Variants in EFCAB8 observed in about 807,000 individuals in gnomAD.
EFCAB8 encodes the protein EF-hand calcium binding domain 8.
A neutral mutation model predicts 116.3 loss-of-function variants in EFCAB8; 100 were observed. The observed-to-expected ratio is 0.86, with a 90% CI of 0.73 to 1.02. The LOEUF (loss-of-function observed/expected upper bound fraction) is 1.02, where lower values mean the gene tolerates loss of function less well. Ranked by LOEUF, EFCAB8 falls within the 50% of genes least tolerant of loss-of-function variation. EFCAB8 has a pLI of 0.00. For missense variants in EFCAB8, 1,320 were observed against 1,416.9 expected (o/e 0.93, Z 1.10); for synonymous variants, 558 against 567.9 (o/e 0.98, Z 0.25).
intron 6 of EFCAB8, among the ~76,000 whole-genome samples, chr20:32,887,444 C>T (rs964418715): frequency 6.6e-6 from 1 of 152,146 alleles, no homozygotes; most frequent in Non-Finnish European, 1.5e-5. Flanking sequence ...GGCGTAGTGG[C>T]GCACCCCTGT....
In EFCAB8 at chr20:32,899,314, A is replaced by G. The variant is rs376461199; in HGVS notation, c.1088+691A>G. Among the ~76,000 whole-genome samples the G allele has an allele frequency of 9.3e-5, 14 of 150,284 alleles. No individual in the cohort carries two copies. The East Asian group carries it at 1.6e-3, about 17-fold the overall frequency. On this transcript the variant is annotated intron_variant, in intron 11 of 26. Coordinates refer to ENST00000400522, the MANE Select transcript of EFCAB8 (RefSeq NM_001143967.2). ...CAGCTACTCGGGAGGCTGAGGCAGG[A>G]GAATGGTGTGAACCCAGGAGGTGGA...
At chr20:32,922,193 G>T (rs1324548254) in intron 20 of EFCAB8, among the ~76,000 whole-genome samples, 1 of 152,174 alleles carries the variant, frequency 6.6e-6, no homozygotes, top group Non-Finnish European at 1.5e-5. Context: ...CTGTGAAGCT[G>T]GTCCTCTATG....
chr20:32,953,194 A>G (rs1988851528), intron 23 of EFCAB8, among the ~76,000 whole-genome samples: 1 of 152,172 alleles, frequency 6.6e-6, no homozygotes, highest in Non-Finnish European at 1.5e-5. Flanking sequence ...TTGTATATAT[A>G]TGCCACATTT....
intron 20 of EFCAB8, among the ~76,000 whole-genome samples, chr20:32,927,179 T>C (rs180808053): frequency 2.0e-5 from 3 of 152,336 alleles, no homozygotes; most frequent in African/African-American, 7.2e-5. Flanking sequence ...TCAAAACTTA[T>C]AAATCTGACA....
intron 15 of EFCAB8, among the ~76,000 whole-genome samples, chr20:32,911,055 A>G (rs931632634): frequency 6.6e-6 from 1 of 152,122 alleles, no homozygotes; most frequent in African/African-American, 2.4e-5. Context: ...CTACTCTTGC[A>G]TTATAACAAT....
At chr20:32,903,015 C>T (rs1397105242) in intron 11 of EFCAB8, among the ~76,000 whole-genome samples, 1 of 152,204 alleles carries the variant, frequency 6.6e-6, no homozygotes, top group African/African-American at 2.4e-5. Context: ...CTTGCCCTGG[C>T]CCTCTTAGCA....
At chr20:32,933,370 T>C (rs1284758524) in intron 22 of EFCAB8, among the ~76,000 whole-genome samples, 1 of 152,238 alleles carries the variant, frequency 6.6e-6, no homozygotes, top group Non-Finnish European at 1.5e-5. Flanking sequence ...ATTGTAGACA[T>C]TTCTGAGGCA....
Position 32,859,224 on chromosome 20 carries a change from C to T in EFCAB8, c.-11+218C>T, listed in dbSNP as rs981565908. 5.3e-5 allele frequency among the ~76,000 whole-genome samples: 8 copies of T among 152,198 alleles called. 1 individual carries two copies. The East Asian group carries it at 1.3e-3, about 26-fold the overall frequency. On this transcript the variant is annotated intron_variant, in intron 1 of 26. Coordinates refer to ENST00000400522, the MANE Select transcript of EFCAB8 (RefSeq NM_001143967.2). ...TCCCCTAGTGGCTGCTCTGAATTCT[C>T]ACCCCTGTTCTGGATGGTACTCTCC...
At chr20:32,907,922 G>A (rs1043502671) in intron 13 of EFCAB8, among the ~76,000 whole-genome samples, 4 of 152,208 alleles carry the variant, frequency 2.6e-5, no homozygotes, top group Non-Finnish European at 4.4e-5. Flanking sequence ...CTACCGGACT[G>A]TGTCCCAGGC....
At chr20:32,906,787 T>C (rs1986694910) in intron 12 of EFCAB8, 56 bp from the exon 13 acceptor site, 1 of 865,766 alleles carries the variant, frequency 1.2e-6, no homozygotes, top group South Asian at 1.4e-5. Context: ...CCTTCACCAG[T>C]GGGTGAAGGT....
chr20:32,944,955 T>C (rs1988538280), intron 23 of EFCAB8, among the ~76,000 whole-genome samples: 1 of 151,990 alleles, frequency 6.6e-6, no homozygotes, highest in South Asian at 2.1e-4. Context: ...CCATAATGCA[T>C]ATATTGTCCA....
chr20:32,863,868 T>C (rs1159602631), intron 2 of EFCAB8, 34 bp downstream of exon 2: 28 of 1,549,786 alleles, frequency 1.8e-5, no homozygotes, highest in Non-Finnish European at 2.2e-5. Context: ...TAATAAAGGG[T>C]GGGGCATTCC....
chr20:32,956,238 A>G (rs748024846), intron 23 of EFCAB8, among the ~76,000 whole-genome samples: 7 of 151,956 alleles, frequency 4.6e-5, no homozygotes, highest in Non-Finnish European at 7.4e-5. Flanking sequence ...TGTTATTATT[A>G]TATATTTTAT....
At chr20:32,960,873 C>T (rs930069982) in intron 26 of EFCAB8, among the ~76,000 whole-genome samples, 1 of 152,244 alleles carries the variant, frequency 6.6e-6, no homozygotes, top group Non-Finnish European at 1.5e-5. Flanking sequence ...TTCTCAGAAG[C>T]GGGCAGTCTG....
Position 32,858,934 on chromosome 20 carries a change from G to C in EFCAB8, c.-83G>C. On this transcript the variant is annotated 5_prime_UTR_variant, in exon 1 of 27. An upstream start codon of the reference 5' UTR is lost. Coordinates refer to ENST00000400522, the MANE Select transcript of EFCAB8 (RefSeq NM_001143967.2). ...CAGCTGCCAATGTCTTTGTTGAGAT[G>C]GGAGTTGGAAAGTGTTAGCACTTTG... is the stretch of plus-strand genomic sequence containing the variant. 2.1e-6 allele frequency: 1 copy of C among 470,298 alleles called. No homozygotes were observed. Among genetic ancestry groups the C allele is most frequent in the Non-Finnish European group, 4.4e-6 (1 of 226,576 alleles). 29.1% of individuals were successfully genotyped at this position (470,298 alleles called of 1,614,324 possible).
intron 5 of EFCAB8, among the ~76,000 whole-genome samples, chr20:32,881,843 G>A (rs374169216): frequency 6.2e-4 from 94 of 152,252 alleles, no homozygotes; most frequent in African/African-American, 1.9e-3. Context: ...GGATGAAGGC[G>A]CAATCCACCC....
At position 32,960,176 on chromosome 20, in the gene EFCAB8, G is replaced by A; in HGVS notation, c.3393+15G>A. ...TGAAGCATCAGGTAAGGTGGGATGG[G>A]GCAGCTCCCCAAGAGGCTGGGTCAG... On this transcript the variant is annotated intron_variant, in intron 26 of 26. Transcript: ENST00000400522. The A allele has an allele frequency of 6.4e-7, 1 of 1,550,886 alleles. No individual in the cohort carries two copies.
intron 4 of EFCAB8, among the ~76,000 whole-genome samples, chr20:32,877,742 G>A (rs1985057943): frequency 6.6e-6 from 1 of 152,166 alleles, no homozygotes; most frequent in African/African-American, 2.4e-5. Flanking sequence ...CTGGAGTTGC[G>A]CCAGTGGCCC....
chr20:32,906,911 A>T lies in EFCAB8; in HGVS notation c.1225A>T (p.Met409Leu). Residue 409 changes from methionine (M) to leucine (L), a missense_variant, in exon 13 of 27, where the codon ATG becomes TTG. By Grantham distance (15) the Met-to-Leu change is conservative. Coordinates refer to ENST00000400522, the MANE Select transcript of EFCAB8 (RefSeq NM_001143967.2). ...TGTCTCAAAGAGGCCCGTGTGGCTG[A>T]TGAAGGGACACCAGACCTCAGTGAC... is the stretch of plus-strand genomic sequence containing the variant. ...PFVSKRPVWL[M>L]KGHQTSVTHI... The T allele has an allele frequency of 6.4e-7, 1 of 1,551,240 alleles. No homozygotes were observed. Among genetic ancestry groups the T allele is most frequent in the Non-Finnish European group, 8.7e-7 (1 of 1,146,754 alleles).
Sources: gnomAD v4.1 joint callset for allele counts (sites outside exome capture counted in the v4.1 genomes callset) on GRCh38, gnomAD v4.1.1 for gene constraint, MANE v1.5 for transcripts, NCBI Gene and HGNC (gene_info 2026-07-23, HGNC 2026-07-21) for gene names.